Variants in CEP164 observed in about 807,000 individuals in gnomAD.
CEP164 encodes the protein centrosomal protein of 164 kDa.
A neutral mutation model predicts 182.7 loss-of-function variants in CEP164; 162 were observed. The ratio of observed to expected loss-of-function variants is 0.89; its 90% confidence interval spans 0.78 to 1.01. The LOEUF (loss-of-function observed/expected upper bound fraction) is 1.01, where lower values mean the gene tolerates loss of function less well. Among genes scored for constraint, CEP164 ranks in the 50% least tolerant of loss-of-function variants. The pLI is 0.00. For missense variants in CEP164, 1,735 were observed against 1,790.4 expected, an observed-to-expected ratio of 0.97 and a Z score of 0.56; for synonymous variants, 661 against 690.0, an observed-to-expected ratio of 0.96 and a Z score of 0.66.
In CEP164 at chr11:117,371,063, G is replaced by A. The variant is rs768399028; in HGVS notation, c.766-17G>A. The A allele has an allele frequency of 6.5e-7, 1 of 1,549,402 alleles. No homozygotes were observed. Among genetic ancestry groups the A allele is most frequent in the Non-Finnish European group, 8.7e-7 (1 of 1,148,592 alleles). On this transcript the variant is annotated splice_polypyrimidine_tract_variant and intron_variant, in intron 8 of 32. Transcript: ENST00000278935. The stretch of plus-strand genomic sequence containing the variant: ...TTCCTTTTGTCTTCCTTTCTAACAT[G>A]GTCTGTTGCTCCCTAGGAGTCTCTG...
intron 13 of CEP164, 76 bp from the exon 14 acceptor site, chr11:117,382,720 A>G: frequency 6.5e-7 from 1 of 1,528,224 alleles, no homozygotes; most frequent in Non-Finnish European, 8.9e-7. Context: ...TAGCTCTTTG[A>G]CCCCAAATGG....
chr11:117,358,138 A>C (rs185263100), intron 5 of CEP164, among the ~76,000 whole-genome samples: 4 of 152,346 alleles, frequency 2.6e-5, no homozygotes, highest in African/African-American at 9.6e-5. Context: ...TAAATATCGG[A>C]TAAGCTGCAG....
In CEP164 at chr11:117,411,798, G is replaced by A. The variant is rs1338017884; in HGVS notation, c.4167G>A (p.Glu1389=). 1 of 1,614,148 alleles carries A rather than the reference G, an allele frequency of 6.2e-7. No individual in the cohort carries two copies. The highest frequency in any genetic ancestry group is 8.5e-7 in the Non-Finnish European group (1 of 1,180,008). The change falls in exon 32 of 33, where the codon GAG becomes GAA. Residue 1389 remains glutamate (E), a synonymous_variant. Coordinates refer to ENST00000278935, the MANE Select transcript of CEP164 (RefSeq NM_014956.5). The surrounding 1 kb of genome is among the most constrained non-coding windows in gnomAD (Gnocchi z 4.4). The stretch of plus-strand genomic sequence containing the variant: ...ATGCTCTCCTCTTCCTTCCCAGTGA[G>A]CAGCTCCGGCTCCTACAGCACTCCC... ...ESRLGYMSAS[E]QLRLLQHSHS...
intron 27 of CEP164, among the ~76,000 whole-genome samples, chr11:117,406,588 A>C (rs1470001302): frequency 6.6e-6 from 1 of 152,224 alleles, no homozygotes; most frequent in African/African-American, 2.4e-5. Context: ...TTGCCTTTCC[A>C]TTCTGTCACA....
chr11:117,375,695 C>G lies in CEP164; in HGVS notation c.1234-13C>G. On this transcript the variant is annotated splice_polypyrimidine_tract_variant and intron_variant, in intron 10 of 32. Coordinates refer to ENST00000278935, the MANE Select transcript of CEP164 (RefSeq NM_014956.5). Reference sequence around the variant, plus strand: ...AGAGGCAGAGTTGACCTTTGCATCTCCACTGTCTCCAGGACTTCGGTTTTC... The same window carrying G: ...AGAGGCAGAGTTGACCTTTGCATCTGCACTGTCTCCAGGACTTCGGTTTTC... The G allele has an allele frequency of 6.2e-7, 1 of 1,613,688 alleles. No individual in the cohort carries two copies. The highest frequency in any genetic ancestry group is 8.5e-7 in the Non-Finnish European group (1 of 1,179,652).
chr11:117,346,735 G>T (rs569182228), intron 4 of CEP164, among the ~76,000 whole-genome samples: 23 of 152,078 alleles, frequency 1.5e-4, no homozygotes, highest in Non-Finnish European at 2.6e-4. Flanking sequence ...GTGATGACAT[G>T]CACCTTTAGT....
In CEP164 at chr11:117,351,877, C is replaced by G. The variant is rs1030661803; in HGVS notation, c.282C>G (p.Ser94Arg). 2 of 1,613,594 alleles carry G rather than the reference C, an allele frequency of 1.2e-6. No homozygotes were observed. The highest frequency in any genetic ancestry group is 1.6e-4 in the Middle Eastern group (1 of 6,084). ...WDHPCDEHYR[S>R]LVIQERAKLS... Reference sequence around the variant, plus strand: ...ATCCATGTGACGAACACTATCGGAGCTTGGTGATCCAAGAGCGGGCAAAGC... The same window carrying G: ...ATCCATGTGACGAACACTATCGGAGGTTGGTGATCCAAGAGCGGGCAAAGC... The change falls in exon 5 of 33, where the codon AGC becomes AGG. Residue 94 changes from serine to arginine, a missense_variant. Physicochemically the swap from Ser to Arg is moderately radical, Grantham distance 110 (BLOSUM62 -1). Transcript: ENST00000278935.
At chr11:117,389,136 C>CT (rs1260289317) in intron 15 of CEP164, among the ~76,000 whole-genome samples, 1 of 152,060 alleles carries the variant, frequency 6.6e-6, no homozygotes, top group Non-Finnish European at 1.5e-5. Context: ...AATCCTAAGT[C>CT]TTTTTTTGGC....
chr11:117,387,741 G>T (rs1422448864), intron 15 of CEP164, among the ~76,000 whole-genome samples: 1 of 152,176 alleles, frequency 6.6e-6, no homozygotes, highest in Non-Finnish European at 1.5e-5. Context: ...CTACAAAAAG[G>T]TGTTAACATA....
At chr11:117,322,735 A>G (rs1381273506) in intron 1 of CEP164, among the ~76,000 whole-genome samples, 1 of 127,776 alleles carries the variant, frequency 7.8e-6, no homozygotes, top group Non-Finnish European at 1.7e-5. Flanking sequence ...TTGTGTTTAT[A>G]TATATATATG....
At chr11:117,410,511 C>T in intron 30 of CEP164, 1 of 291,694 alleles carries the variant, frequency 3.4e-6, no homozygotes, top group East Asian at 7.2e-5. Context: ...TGCTTGGAAC[C>T]TCTTGGCTGT....
intron 3 of CEP164, 31 bp downstream of exon 3, chr11:117,338,699 A>T: frequency 6.5e-7 from 1 of 1,530,110 alleles, no homozygotes; most frequent in East Asian, 2.2e-5. Flanking sequence ...CCTGTGGTGT[A>T]TTGTGTTTGT....
chr11:117,339,132 G>A (rs374708894), intron 3 of CEP164, among the ~76,000 whole-genome samples: 1 of 152,084 alleles, frequency 6.6e-6, no homozygotes. Context: ...GCCTATTTTT[G>A]TAAATACACC....
rs1035815151 is a variant in CEP164 at position 117,392,482 on chromosome 11, G to A, written c.2362-14G>A. On this transcript the variant is annotated splice_polypyrimidine_tract_variant and intron_variant, in intron 18 of 32. Coordinates refer to ENST00000278935, the MANE Select transcript of CEP164 (RefSeq NM_014956.5). ...GAGGGTCACACTCCCCTGTGTGTGCGGGGGCCTCCTCAGGTGGTCTCCAGC... is the reference window on the plus strand; with the variant it reads ...GAGGGTCACACTCCCCTGTGTGTGCAGGGGCCTCCTCAGGTGGTCTCCAGC... 21 of 1,610,552 alleles carry A rather than the reference G, an allele frequency of 1.3e-5. No homozygotes were observed. Among genetic ancestry groups the A allele is most frequent in the Middle Eastern group, 1.7e-4 (1 of 6,040 alleles).
intron 1 of CEP164, among the ~76,000 whole-genome samples, chr11:117,332,704 T>A (rs2036416691): frequency 6.6e-6 from 1 of 152,200 alleles, no homozygotes; most frequent in Non-Finnish European, 1.5e-5. Context: ...TGGGAAGGCT[T>A]CCTGGAGGAA....
intron 27 of CEP164, among the ~76,000 whole-genome samples, chr11:117,398,684 A>C (rs1233038738): frequency 6.6e-6 from 1 of 152,248 alleles, no homozygotes; most frequent in Non-Finnish European, 1.5e-5. Context: ...TGGGGCTTGC[A>C]TCCTCTGAAA....
At chr11:117,362,118 C>T in intron 6 of CEP164, 125 bp downstream of exon 6, 1 of 984,702 alleles carries the variant, frequency 1.0e-6, no homozygotes, top group Non-Finnish European at 1.5e-6. Context: ...GTTCGTAATC[C>T]AGTTGGGAAA....
chr11:117,352,067 G>GC (rs2039708628), intron 5 of CEP164, 79 bp downstream of exon 5: 1 of 1,229,592 alleles, frequency 8.1e-7, no homozygotes, highest in Admixed American at 2.5e-5. Flanking sequence ...GGTGTCTGCA[G>GC]CTGGGAGGTT....
chr11:117,341,197 G>A (rs1212585878), intron 3 of CEP164, among the ~76,000 whole-genome samples: 3 of 152,154 alleles, frequency 2.0e-5, no homozygotes, highest in Admixed American at 6.5e-5. Context: ...GTTTTTCTAA[G>A]GATGTTTATA....
Sources: allele counts gnomAD v4.1 joint callset (sites outside exome capture counted in the v4.1 genomes callset), GRCh38; gene constraint gnomAD v4.1.1; non-coding constraint Gnocchi (gnomAD v3.1); transcripts MANE v1.5; gene names NCBI Gene and HGNC (gene_info 2026-07-23, HGNC 2026-07-21).